The following GAS7 variants were observed in gnomAD, a reference collection of about 807,000 sequenced individuals.
GAS7 encodes the protein growth arrest-specific protein 7.
Under a neutral mutation model 71.1 loss-of-function variants are expected in GAS7, and 28 were observed. The ratio of observed to expected loss-of-function variants is 0.39; its 90% CI spans 0.29 to 0.54. The LOEUF is 0.54. Ranked by LOEUF, GAS7 falls within the 20% of genes least tolerant of loss-of-function variation. GAS7 has a pLI of 0.62. For missense variants in GAS7, 436 were observed against 627.8 expected (o/e 0.69, Z 3.27); for synonymous variants, 258 against 245.8 (o/e 1.05, Z -0.46).
intron 1 of GAS7, among the ~76,000 whole-genome samples, chr17:10,143,358 T>A (rs2074098344): frequency 6.6e-6 from 1 of 151,968 alleles, no homozygotes. Context: ...CTGGCCAACA[T>A]GGTGAAACCC....
In GAS7 at chr17:10,034,604, C is replaced by T. The variant is rs111954708; in HGVS notation, c.184-14707G>A. 1.3e-3 allele frequency among the ~76,000 whole-genome samples: 201 copies of T among 152,264 alleles called. No individual in the cohort carries two copies. Among genetic ancestry groups the T allele is most frequent in the African/African-American group, 4.6e-3 (191 of 41,550 alleles). On this transcript the variant is annotated intron_variant, in intron 1 of 13. Coordinates refer to ENST00000432992, the MANE Select transcript of GAS7 (RefSeq NM_201433.2). The surrounding 1 kb of genome is among the most constrained non-coding windows in gnomAD (Gnocchi z 4.4). The stretch of plus-strand genomic sequence containing the variant: ...GATTACAGGCGTGAGCCACTGCGCC[C>T]GGCCCAATAATTCTAAATGTCAGCA...
At position 9,911,495 on chromosome 17, in the gene GAS7, C is replaced by A; in HGVS notation, c.*5733G>T. On this transcript the variant is annotated 3_prime_UTR_variant, in exon 14 of 14. Coordinates refer to ENST00000432992, the MANE Select transcript of GAS7 (RefSeq NM_201433.2). The surrounding 1 kb of genome is among the most constrained non-coding windows in gnomAD (Gnocchi z 4.0). ...AGGCCATCGCCCCAACCTCACCCCA[C>A]CCCCAGAGACACCTCCCAGGAAGCC... The A allele has an allele frequency of 4.3e-6, 1 of 233,604 alleles. No homozygotes were observed. The highest frequency in any genetic ancestry group is 8.5e-6 in the Non-Finnish European group (1 of 118,182). 14.5% of individuals were successfully genotyped at this position (233,604 alleles called of 1,614,324 possible). A position where few individuals can be genotyped will look rare whatever the true frequency, so the allele number is the denominator to read the frequency against.
rs569637205 is a variant in GAS7, at chr17:9,916,038, G to A, written c.*1190C>T. On this transcript the variant is annotated 3_prime_UTR_variant, in exon 14 of 14. Transcript: ENST00000432992. ...GCTCTGGAATGTCCAGAAGGAGCGG[G>A]AAGCAAAGGTGGCGGGACACTGCCT... The A allele has an allele frequency of 6.9e-5, 16 of 233,022 alleles. No individual in the cohort carries two copies. The highest frequency in any genetic ancestry group is 1.1e-4 in the Non-Finnish European group (13 of 117,990). 14.4% of individuals were successfully genotyped at this position (233,022 alleles called of 1,614,324 possible).
At position 9,969,814 on chromosome 17, in the gene GAS7, C is replaced by T. The variant is rs540819964; in HGVS notation, c.386-52G>A. On this transcript the variant is annotated intron_variant, in intron 3 of 13. Transcript: ENST00000432992. The surrounding 1 kb of genome is among the most constrained non-coding windows in gnomAD (Gnocchi z 5.5). ...TGCTGTGTGGGCCACAGATGGGCAC[C>T]CCCGCCTTTCGTCCACTGCAGCCCC... The T allele has an allele frequency of 1.6e-6, 2 of 1,224,154 alleles. No individual in the cohort carries two copies. Among genetic ancestry groups the T allele is most frequent in the East Asian group, 4.7e-5 (2 of 42,894 alleles). 75.8% of individuals were successfully genotyped at this position (1,224,154 alleles called of 1,614,324 possible).
chr17:9,942,740 G>A (rs2068648458), intron 7 of GAS7, among the ~76,000 whole-genome samples: 2 of 152,168 alleles, frequency 1.3e-5, no homozygotes, highest in South Asian at 4.1e-4. Flanking sequence ...GTACGGAATG[G>A]TGGAGACTGG....
Position 9,959,527 on chromosome 17 carries a change from C to G in GAS7, c.472-272G>C. 1 of 1,197,264 alleles carries G rather than the reference C, an allele frequency of 8.4e-7. No homozygotes were observed. Among genetic ancestry groups the G allele is most frequent in the Non-Finnish European group, 1.1e-6 (1 of 912,570 alleles). The allele number at this position is 1,197,264 out of a possible 1,614,324, so 74.2% of individuals were successfully genotyped here. On this transcript the variant is annotated intron_variant, in intron 4 of 13. Coordinates refer to ENST00000432992, the MANE Select transcript of GAS7 (RefSeq NM_201433.2). This position sits in a 1 kb window ranked among gnomAD's most constrained non-coding sequence, Gnocchi z 5.0. ...AACCAGGTCTCCCCTCCTCTTCTCTCAGTCTGTGATTTGGGGAGTTAACCC... is the reference window on the plus strand; with the variant it reads ...AACCAGGTCTCCCCTCCTCTTCTCTGAGTCTGTGATTTGGGGAGTTAACCC...
At chr17:10,024,608 G>A (rs1216148354) in intron 1 of GAS7, among the ~76,000 whole-genome samples, 1 of 152,102 alleles carries the variant, frequency 6.6e-6, no homozygotes, top group South Asian at 2.1e-4. Context: ...ATAATAAAAC[G>A]CGGCCTCTTC....
intron 1 of GAS7, among the ~76,000 whole-genome samples, chr17:10,041,035 G>A (rs571940084): frequency 1.1e-4 from 17 of 152,074 alleles, no homozygotes; most frequent in African/African-American, 3.4e-4. Context: ...GGTGGTGTGC[G>A]CCTGTAATCC....
chr17:9,995,386 C>T (rs145056422), intron 2 of GAS7, among the ~76,000 whole-genome samples: 159 of 151,986 alleles, frequency 1.0e-3, no homozygotes, highest in African/African-American at 3.8e-3. Flanking sequence ...GATAAAGAGA[C>T]GAGGGAAAGA....
intron 9 of GAS7, among the ~76,000 whole-genome samples, chr17:9,930,472 G>A (rs932388732): frequency 2.0e-5 from 3 of 152,156 alleles, no homozygotes; most frequent in Non-Finnish European, 2.9e-5. Context: ...CTGATGGAAC[G>A]CAGAGCCTCT....
chr17:10,133,847 T>G (rs1227908755), intron 1 of GAS7, among the ~76,000 whole-genome samples: 3 of 152,190 alleles, frequency 2.0e-5, no homozygotes, highest in African/African-American at 7.2e-5. Context: ...TCCTCTGGGT[T>G]GATCCATGTT....
chr17:10,016,775 T>C (rs1480179807), intron 2 of GAS7, among the ~76,000 whole-genome samples: 1 of 146,214 alleles, frequency 6.8e-6, no homozygotes. Context: ...ATAATAATAA[T>C]AATAATAATA....
intron 1 of GAS7, among the ~76,000 whole-genome samples, chr17:10,113,546 A>T (rs1377047601): frequency 6.6e-6 from 1 of 152,238 alleles, no homozygotes; most frequent in Non-Finnish European, 1.5e-5. Context: ...AAGCATCAGT[A>T]GCACCAGCAA....
At chr17:10,087,894 C>G (rs912972443) in intron 1 of GAS7, among the ~76,000 whole-genome samples, 5 of 152,110 alleles carry the variant, frequency 3.3e-5, no homozygotes, top group South Asian at 2.1e-4. Context: ...AGCAGGGGAG[C>G]CTTTGGTGCC....
chr17:10,167,373 G>C (rs1030010685), intron 1 of GAS7, among the ~76,000 whole-genome samples: 2 of 152,034 alleles, frequency 1.3e-5, no homozygotes, highest in African/African-American at 4.8e-5. Flanking sequence ...TTTCTAACTT[G>C]TTTAAAGTTA....
At chr17:10,072,107 T>C (rs1484179274) in intron 1 of GAS7, among the ~76,000 whole-genome samples, 2 of 152,112 alleles carry the variant, frequency 1.3e-5, no homozygotes, top group Non-Finnish European at 2.9e-5. Context: ...GAGAATCACC[T>C]GAGAGCTTAG....
intron 6 of GAS7, among the ~76,000 whole-genome samples, chr17:9,944,787 T>C (rs991547590): frequency 1.3e-5 from 2 of 152,182 alleles, no homozygotes; most frequent in African/African-American, 2.4e-5. Flanking sequence ...GAATGCTACA[T>C]CTTGATGAAA....
At chr17:10,048,348 A>C (rs2073011642) in intron 1 of GAS7, among the ~76,000 whole-genome samples, 1 of 152,210 alleles carries the variant, frequency 6.6e-6, no homozygotes, top group Non-Finnish European at 1.5e-5. Flanking sequence ...TCATTCATAT[A>C]AACAGGCAAA....
chr17:10,027,607 A>T (rs1376797697), intron 1 of GAS7, among the ~76,000 whole-genome samples: 1 of 152,182 alleles, frequency 6.6e-6, no homozygotes, highest in Non-Finnish European at 1.5e-5. Flanking sequence ...CCATGTGAGG[A>T]CACGCTATTC....
Sources: allele counts gnomAD v4.1 joint callset (sites outside exome capture counted in the v4.1 genomes callset), GRCh38; gene constraint gnomAD v4.1.1; non-coding constraint Gnocchi (gnomAD v3.1); transcripts MANE v1.5; gene names NCBI Gene and HGNC (gene_info 2026-07-23, HGNC 2026-07-21).